FAM135B: variants seen among roughly 807,000 people sequenced by gnomAD.
FAM135B encodes the protein family with sequence similarity 135 member B.
A neutral mutation model predicts 127.7 loss-of-function variants in FAM135B; 43 were observed. That is an observed-to-expected ratio of 0.34 (90% CI 0.26 to 0.43). The LOEUF is 0.43. Among genes scored for constraint, FAM135B ranks in the 20% least tolerant of loss-of-function variants. FAM135B has a pLI of 1.00. For missense variants in FAM135B, 1,558 were observed against 1,725.6 expected, an observed-to-expected ratio of 0.90 and a Z score of 1.72; for synonymous variants, 670 against 665.1, an observed-to-expected ratio of 1.01 and a Z score of -0.11.
intron 13 of FAM135B, among the ~76,000 whole-genome samples, chr8:138,150,091 G>A (rs1203321190): frequency 6.6e-6 from 1 of 152,186 alleles, no homozygotes; most frequent in Non-Finnish European, 1.5e-5. Context: ...AAAGGGTAAA[G>A]AAGATGGGAT....
chr8:138,420,430 C>T (rs904609854), intron 1 of FAM135B, among the ~76,000 whole-genome samples: 7 of 152,032 alleles, frequency 4.6e-5, no homozygotes. Flanking sequence ...ATAGACAGTA[C>T]AGGTGACACC....
intron 2 of FAM135B, among the ~76,000 whole-genome samples, chr8:138,354,092 C>A (rs1291366042): frequency 6.6e-6 from 1 of 151,980 alleles, no homozygotes; most frequent in Non-Finnish European, 1.5e-5. Context: ...TTCTGAGCTA[C>A]CTTCACCTCT....
intron 1 of FAM135B, among the ~76,000 whole-genome samples, chr8:138,376,610 T>G (rs887309086): frequency 6.6e-6 from 1 of 152,214 alleles, no homozygotes; most frequent in African/African-American, 2.4e-5. Flanking sequence ...CTCCCTCCCA[T>G]GCCAAAACTG....
intron 4 of FAM135B, among the ~76,000 whole-genome samples, chr8:138,262,930 C>G (rs1203284022): frequency 8.1e-6 from 1 of 123,834 alleles, no homozygotes; most frequent in Admixed American, 8.3e-5. Flanking sequence ...AAGCAACTAA[C>G]AATGGCTGAG....
chr8:138,206,397 A>T (rs375087330), intron 7 of FAM135B, among the ~76,000 whole-genome samples: 9 of 20,958 alleles, frequency 4.3e-4, no homozygotes, highest in Admixed American at 8.6e-4. Context: ...CTCCACCTAC[A>T]CACAGCTCTA....
chr8:138,401,073 C>A (rs779740071), intron 1 of FAM135B, among the ~76,000 whole-genome samples: 2 of 152,094 alleles, frequency 1.3e-5, no homozygotes, highest in Non-Finnish European at 2.9e-5. Flanking sequence ...AATTATAAAC[C>A]TAGGCAAGCT....
intron 2 of FAM135B, among the ~76,000 whole-genome samples, chr8:138,331,563 T>C (rs935481621): frequency 3.3e-5 from 5 of 152,126 alleles, no homozygotes; most frequent in African/African-American, 1.2e-4. Flanking sequence ...TCTGTCAGAC[T>C]CTTTGAGCCA....
chr8:138,389,120 A>G (rs897734536), intron 1 of FAM135B, among the ~76,000 whole-genome samples: 7 of 152,332 alleles, frequency 4.6e-5, no homozygotes, highest in African/African-American at 1.7e-4. Context: ...CTTCATAGCC[A>G]CTAGGATGGC....
At chr8:138,248,067 G>A (rs2130452924) in intron 6 of FAM135B, among the ~76,000 whole-genome samples, 1 of 152,258 alleles carries the variant, frequency 6.6e-6, no homozygotes, top group South Asian at 2.1e-4. Context: ...GAATATGGGA[G>A]GTGCTAAATA....
intron 3 of FAM135B, among the ~76,000 whole-genome samples, chr8:138,292,872 G>A (rs535091057): frequency 1.4e-3 from 213 of 151,822 alleles, no homozygotes; most frequent in African/African-American, 3.9e-3. Context: ...TCAAAATACC[G>A]TCATCTTTCA....
chr8:138,415,198 T>C (rs1834070723), intron 1 of FAM135B, among the ~76,000 whole-genome samples: 1 of 152,182 alleles, frequency 6.6e-6, no homozygotes, highest in South Asian at 2.1e-4. Context: ...GATTTTGCTG[T>C]TGTTGTTAAT....
chr8:138,446,262 TCAAGCTACC>T (rs1836153154), intron 1 of FAM135B, among the ~76,000 whole-genome samples: 1 of 152,146 alleles, frequency 6.6e-6, no homozygotes, highest in African/African-American at 2.4e-5. Context: ...GCCATCCCCA[TCAAGCTACC>T]AATGACTTTC....
At chr8:138,446,110 C>G (rs1836143678) in intron 1 of FAM135B, among the ~76,000 whole-genome samples, 1 of 152,054 alleles carries the variant, frequency 6.6e-6, no homozygotes, top group Non-Finnish European at 1.5e-5. Flanking sequence ...ATGTGAAGGA[C>G]CTCTTCAAGG....
chr8:138,462,108 T>C (rs531982549), intron 1 of FAM135B, among the ~76,000 whole-genome samples: 11 of 151,946 alleles, frequency 7.2e-5, no homozygotes, highest in Non-Finnish European at 1.5e-4. Context: ...AGAAACAAAG[T>C]AGAAATGAGA....
At position 138,280,283 on chromosome 8, in the gene FAM135B, C is replaced by T. The variant is rs529398649; in HGVS notation, c.158-14441G>A. On this transcript the variant is annotated intron_variant, in intron 3 of 19. Transcript: ENST00000395297. The stretch of plus-strand genomic sequence containing the variant: ...ATTGAGTGTCAGCCAAGGCTTAGCC[C>T]GTTGGCTCTAGTATCAGTGAACACC... Among the ~76,000 whole-genome samples the T allele has an allele frequency of 1.1e-4, 16 of 152,278 alleles. No homozygotes were observed. The South Asian group carries it at 2.9e-3, about 28-fold the overall frequency.
chr8:138,474,260 C>G (rs1373183625), intron 1 of FAM135B, among the ~76,000 whole-genome samples: 1 of 152,144 alleles, frequency 6.6e-6, no homozygotes, highest in Non-Finnish European at 1.5e-5. Flanking sequence ...TGAGGCCAGA[C>G]AGACCCCCAC....
At chr8:138,306,786 G>C (rs1290772202) in intron 3 of FAM135B, among the ~76,000 whole-genome samples, 20 of 152,096 alleles carry the variant, frequency 1.3e-4, no homozygotes, top group African/African-American at 4.8e-4. Context: ...CTTTTGCCAT[G>C]TTGGCCAGGC....
intron 7 of FAM135B, among the ~76,000 whole-genome samples, chr8:138,210,801 C>A (rs1818083844): frequency 6.6e-6 from 1 of 152,104 alleles, no homozygotes; most frequent in Admixed American, 6.5e-5. Flanking sequence ...TGTAGGGAAT[C>A]CAGAAAGTGT....
At chr8:138,309,540 T>A (rs910232176) in intron 3 of FAM135B, among the ~76,000 whole-genome samples, 3 of 152,310 alleles carry the variant, frequency 2.0e-5, no homozygotes, top group African/African-American at 7.2e-5. Context: ...ACCACAGGCC[T>A]CTTCTCATGT....
Sources: allele counts gnomAD v4.1 joint callset (sites outside exome capture counted in the v4.1 genomes callset), GRCh38; gene constraint gnomAD v4.1.1; transcripts MANE v1.5; gene names NCBI Gene and HGNC (gene_info 2026-07-23, HGNC 2026-07-21).